LRP5: variants seen among roughly 807,000 people sequenced by gnomAD.
LRP5 encodes low-density lipoprotein receptor-related protein 5.
LRP5 carries 62 observed loss-of-function variants against 154.1 expected under a neutral mutation model. That is an observed-to-expected ratio of 0.40 (90% confidence interval 0.33 to 0.50). LRP5 has a LOEUF of 0.50. LRP5 is among the 20% of genes least tolerant of loss of function. LRP5 has a pLI of 0.55. For synonymous variants in LRP5, 966 were observed against 1,011.5 expected (o/e 0.96, Z 0.85); for missense variants, 1,915 against 2,336.7 (o/e 0.82, Z 3.72).
intron 7 of LRP5, among the ~76,000 whole-genome samples, chr11:68,392,589 T>G (rs563245925): frequency 6.6e-6 from 1 of 152,310 alleles, no homozygotes; most frequent in South Asian, 2.1e-4. Context: ...GTATCTCTGC[T>G]ACTATCTACT....
At chr11:68,307,996 C>T (rs1274337002), upstream of LRP5, among the ~76,000 whole-genome samples, 1 of 152,234 alleles carries the variant, frequency 6.6e-6, no homozygotes, top group Non-Finnish European at 1.5e-5. Context: ...CCAGCTGGCT[C>T]ATAGAAACCA....
intron 2 of LRP5, among the ~76,000 whole-genome samples, chr11:68,349,710 T>A (rs1184625231): frequency 6.6e-6 from 1 of 152,042 alleles, no homozygotes; most frequent in Non-Finnish European, 1.5e-5. Context: ...GTGGAGAGTT[T>A]AAGGGGAGGT....
rs575340922 is a variant in LRP5, at chr11:68,353,865, A to G, written c.489-3785A>G. Among the ~76,000 whole-genome samples, 1 of 152,324 alleles carries G rather than the reference A, an allele frequency of 6.6e-6. No homozygotes were observed. The highest frequency in any genetic ancestry group is 2.4e-5 in the African/African-American group (1 of 41,582). ...CCCTCCTGAGACTCGACTTCGTTGC[A>G]GTTTCAGCAATGCAGGTGGCCCCGT... On this transcript the variant is annotated intron_variant, in intron 2 of 22. Transcript: ENST00000294304. This position sits in a 1 kb window ranked among gnomAD's most constrained non-coding sequence, Gnocchi z 4.5.
upstream of LRP5, among the ~76,000 whole-genome samples, chr11:68,307,621 G>A (rs2098584663): frequency 6.6e-6 from 1 of 151,796 alleles, no homozygotes; most frequent in East Asian, 1.9e-4. Context: ...GTGCACCACT[G>A]CACTCCAGCC....
At chr11:68,426,611 C>A (rs182534906) in intron 16 of LRP5, among the ~76,000 whole-genome samples, 2 of 151,782 alleles carry the variant, frequency 1.3e-5, no homozygotes, top group African/African-American at 4.8e-5. Flanking sequence ...TTTGTAGAGA[C>A]GGGGTTTCCC....
At chr11:68,439,363 G>A (rs1216141227) in intron 20 of LRP5, among the ~76,000 whole-genome samples, 1 of 152,222 alleles carries the variant, frequency 6.6e-6, no homozygotes, top group African/African-American at 2.4e-5. Flanking sequence ...CCTGTTGGAT[G>A]GCAGGGTATA....
In LRP5 at chr11:68,386,367, C is replaced by T. The variant is rs1158745675; in HGVS notation, c.1067C>T (p.Ser356Leu). 9.3e-6 allele frequency: 15 copies of T among 1,613,388 alleles called. No individual in the cohort carries two copies. Among genetic ancestry groups the T allele is most frequent in the African/African-American group, 8.0e-5 (6 of 74,908 alleles). The change falls in exon 6 of 23, where the codon TCG (serine) becomes TTG (leucine). Residue 356 changes from serine (S) to leucine (L), a missense_variant. Physicochemically the swap from Ser to Leu is moderately radical, Grantham distance 145 (BLOSUM62 -2). Coordinates refer to ENST00000294304, the MANE Select transcript of LRP5 (RefSeq NM_002335.4). The surrounding 1 kb of genome is among the most constrained non-coding windows in gnomAD (Gnocchi z 7.9). ...CGGCGGACGGACCTACGGAGGATCT[C>T]GCTGGACACGCCGGACTTCACCGAC... The part of the protein sequence containing the change: ...LARRTDLRRI[S>L]LDTPDFTDIV...
the LRP5 span, among the ~76,000 whole-genome samples, chr11:68,298,618 G>C: frequency 6.6e-6 from 1 of 152,200 alleles, no homozygotes; most frequent in African/African-American, 2.4e-5. Context: ...TTTGGGCTCA[G>C]TGCCAGGCCC....
chr11:68,319,807 G>A (rs897956418), intron 1 of LRP5, among the ~76,000 whole-genome samples: 3 of 152,174 alleles, frequency 2.0e-5, no homozygotes, highest in African/African-American at 7.2e-5. Context: ...CTCTGCATGT[G>A]TATAAGTGTT....
chr11:68,336,530 A>G, intron 1 of LRP5, among the ~76,000 whole-genome samples: 1 of 152,144 alleles, frequency 6.6e-6, no homozygotes, highest in East Asian at 1.9e-4. Flanking sequence ...GTGCAATGGT[A>G]CAATCTCAGC....
At chr11:68,394,759 C>G (rs1351636256) in intron 7 of LRP5, among the ~76,000 whole-genome samples, 1 of 152,174 alleles carries the variant, frequency 6.6e-6, no homozygotes, top group Non-Finnish European at 1.5e-5. Flanking sequence ...CCACCGCGCC[C>G]GGCCCGATTT....
intron 1 of LRP5, among the ~76,000 whole-genome samples, chr11:68,337,679 CCT>C (rs1226737529): frequency 2.0e-5 from 3 of 151,610 alleles, no homozygotes; most frequent in Non-Finnish European, 2.9e-5. Context: ...GTGTCTTCTT[CCT>C]CTAGGAAGCC....
intron 9 of LRP5, among the ~76,000 whole-genome samples, chr11:68,407,537 C>T (rs1431131426): frequency 6.6e-6 from 1 of 151,048 alleles, no homozygotes; most frequent in Admixed American, 6.6e-5. Context: ...CCTTCTGATT[C>T]TGTAAAGAAA....
chr11:68,358,804 C>T (rs541239002), intron 3 of LRP5, among the ~76,000 whole-genome samples: 10 of 152,314 alleles, frequency 6.6e-5, no homozygotes, highest in Admixed American at 3.3e-4. Context: ...AGGTGAAGGG[C>T]AGTTTATTCA....
chr11:68,384,777 C>A (rs1215439802), intron 5 of LRP5, among the ~76,000 whole-genome samples: 3 of 152,050 alleles, frequency 2.0e-5, no homozygotes, highest in Non-Finnish European at 4.4e-5. Context: ...AATCCTGTAA[C>A]CCCCCACCCC....
chr11:68,440,466 C>T (rs1054000769), intron 21 of LRP5, among the ~76,000 whole-genome samples: 28 of 152,230 alleles, frequency 1.8e-4, no homozygotes, highest in African/African-American at 6.8e-4. Flanking sequence ...GGAGAATAAA[C>T]TGCCGCTGCC....
In LRP5 at chr11:68,386,778, A is replaced by C; in HGVS notation, c.1412+66A>C. On this transcript the variant is annotated intron_variant, in intron 6 of 22. Coordinates refer to ENST00000294304, the MANE Select transcript of LRP5 (RefSeq NM_002335.4). The surrounding 1 kb of genome is among the most constrained non-coding windows in gnomAD (Gnocchi z 7.9). ...CCAAGCACAGGCGAGAGGGAGATTG[A>C]CCTGGACCTGTCATTCTGGGACACT... is the stretch of plus-strand genomic sequence containing the variant. 6.6e-7 allele frequency: 1 copy of C among 1,524,148 alleles called. No homozygotes were observed. Among genetic ancestry groups the C allele is most frequent in the Non-Finnish European group, 8.9e-7 (1 of 1,126,096 alleles). 94.4% of individuals were successfully genotyped at this position (1,524,148 alleles called of 1,614,324 possible).
intron 13 of LRP5, among the ~76,000 whole-genome samples, chr11:68,417,486 G>T (rs1425093294): frequency 2.7e-5 from 2 of 73,622 alleles, no homozygotes; most frequent in Non-Finnish European, 4.8e-5. Flanking sequence ...TTTTGAGATG[G>T]AGTCTCACTC....
Position 68,449,066 on chromosome 11 carries a change from C to G in LRP5, c.4844C>G (p.Ser1615Cys). 1.3e-6 allele frequency: 2 copies of G among 1,547,062 alleles called. No homozygotes were observed. Among genetic ancestry groups the G allele is most frequent in the Non-Finnish European group, 1.7e-6 (2 of 1,147,762 alleles). ...CCTCCGTCCCCCTGCACGGACTCATCCTGACCTCGGCCGGGCCACTCTGGC... is the reference window on the plus strand; with the variant it reads ...CCTCCGTCCCCCTGCACGGACTCATGCTGACCTCGGCCGGGCCACTCTGGC... Reference protein sequence around the residue: ...PPPPSPCTDSS With the variant: ...PPPPSPCTDSC The change falls in exon 23 of 23, where the codon TCC becomes TGC. Residue 1615 changes from serine to cysteine, a missense_variant. Coordinates refer to ENST00000294304, the MANE Select transcript of LRP5 (RefSeq NM_002335.4).
Sources: allele counts gnomAD v4.1 joint callset (sites outside exome capture counted in the v4.1 genomes callset), GRCh38; gene constraint gnomAD v4.1.1; non-coding constraint Gnocchi (gnomAD v3.1); transcripts MANE v1.5; gene names NCBI Gene and HGNC (gene_info 2026-07-23, HGNC 2026-07-21).